Variants in UBIAD1 observed in about 807,000 individuals in gnomAD.
UBIAD1 encodes UbiA prenyltransferase domain containing 1, also known as ubiA prenyltransferase domain-containing protein 1.
In UBIAD1, 12 loss-of-function variants were observed where a neutral mutation model predicts 20.1. The ratio of observed to expected loss-of-function variants is 0.60; its 90% CI spans 0.38 to 0.97. UBIAD1 has a LOEUF of 0.97. UBIAD1 is among the 50% of genes least tolerant of loss of function. The probability of loss-of-function intolerance (pLI) is 0.00; values close to 1 mark genes in which losing one functional copy is unlikely to be tolerated. For missense variants in UBIAD1, 333 were observed against 419.5 expected, an observed-to-expected ratio of 0.79 and a Z score of 1.80; for synonymous variants, 207 against 189.2, an observed-to-expected ratio of 1.09 and a Z score of -0.77.
intron 1 of UBIAD1, among the ~76,000 whole-genome samples, chr1:11,294,416 G>C (rs1452890120): frequency 6.6e-6 from 1 of 152,158 alleles, no homozygotes; most frequent in African/African-American, 2.4e-5. Flanking sequence ...AAAGCGTTGG[G>C]ACTACAGGTG....
At chr1:11,277,460 C>G (rs191242323) in intron 1 of UBIAD1, among the ~76,000 whole-genome samples, 47 of 151,758 alleles carry the variant, frequency 3.1e-4, no homozygotes, top group Non-Finnish European at 5.9e-4. Flanking sequence ...TTAGTAGAGA[C>G]GGGGTTTCGC....
intron 1 of UBIAD1, among the ~76,000 whole-genome samples, chr1:11,284,336 G>C (rs1377305856): frequency 6.6e-6 from 1 of 152,154 alleles, no homozygotes. Flanking sequence ...CTCAAGGTGA[G>C]GCAGGAGAGG....
chr1:11,273,663 G>C lies in UBIAD1; in HGVS notation c.132G>C (p.Gln44His), dbSNP rs1651873245. Residue 44 changes from glutamine to histidine, a missense_variant, in exon 1 of 2, where the codon CAG becomes CAC. Gln to His is a conservative substitution (Grantham distance 24, BLOSUM62 0). Around this residue, in one of 3 missense-constraint regions of UBIAD1, gnomAD observed 57 missense variants for 54.7 expected, o/e 1.04. Transcript: ENST00000376810. This position sits in a 1 kb window ranked among gnomAD's most constrained non-coding sequence, Gnocchi z 4.9. ...QDRLPQRSWR[Q>H]KCASYVLALR... Reference sequence around the variant, plus strand: ...GGCTCCCCCAGCGCTCCTGGAGGCAGAAGTGTGCCTCCTACGTGTTGGCCC... The same window carrying C: ...GGCTCCCCCAGCGCTCCTGGAGGCACAAGTGTGCCTCCTACGTGTTGGCCC... 1.2e-6 allele frequency: 2 copies of C among 1,614,198 alleles called. No individual in the cohort carries two copies. Among genetic ancestry groups the C allele is most frequent in the Non-Finnish European group, 8.5e-7 (1 of 1,180,042 alleles).
At position 11,278,585 on chromosome 1, in the gene UBIAD1, T is replaced by C. The variant is rs189714664; in HGVS notation, c.529+4525T>C. The C allele has an allele frequency of 2.1e-4, 280 of 1,311,484 alleles. 2 individuals are homozygous for C. In the African/African-American group the frequency reaches 3.3e-3, roughly 16 times the overall value. The allele number at this position is 1,311,484 out of a possible 1,614,324, so 81.2% of individuals were successfully genotyped here. A position where few individuals can be genotyped will look rare whatever the true frequency, so the allele number is the denominator to read the frequency against. ...TAACACGAGTAGAAGGTTGTTGATA[T>C]AAGACAAGTTTGAGATCCACTAAAA... On this transcript the variant is annotated intron_variant, in intron 1 of 1. Coordinates refer to ENST00000376810, the MANE Select transcript of UBIAD1 (RefSeq NM_013319.3).
Position 11,285,611 on chromosome 1 carries a change from C to A in UBIAD1, c.530-33C>A, listed in dbSNP as rs1047817794. 9.3e-6 allele frequency: 15 copies of A among 1,613,782 alleles called. No individual in the cohort carries two copies. The Admixed American group carries it at 1.8e-4, about 20-fold the overall frequency. ...CAGTCCCTAAATTTCCAGCCTTGGT[C>A]TCACACCAACTCTCTGGATTTTCTG... On this transcript the variant is annotated intron_variant, in intron 1 of 1. Transcript: ENST00000376810. This position sits in a 1 kb window ranked among gnomAD's most constrained non-coding sequence, Gnocchi z 4.4.
chr1:11,291,711 C>T (rs111932341), downstream of UBIAD1, among the ~76,000 whole-genome samples: 3,511 of 151,768 alleles, frequency 0.023, 57 homozygotes, highest in African/African-American at 0.036. Flanking sequence ...GCATTGGTAA[C>T]GGCTGCAGTA....
chr1:11,285,237 G>T lies in UBIAD1; in HGVS notation c.530-407G>T, dbSNP rs1471919458. On this transcript the variant is annotated intron_variant, in intron 1 of 1. Coordinates refer to ENST00000376810, the MANE Select transcript of UBIAD1 (RefSeq NM_013319.3). The surrounding 1 kb of genome is among the most constrained non-coding windows in gnomAD (Gnocchi z 4.4). ...AGGCCAGAGTGGCTATTCTGTGAGG[G>T]ATTGATCTCACGGGGTCTTGCAGGG... Among the ~76,000 whole-genome samples, 1 of 152,174 alleles carries T rather than the reference G, an allele frequency of 6.6e-6. No homozygotes were observed. Among genetic ancestry groups the T allele is most frequent in the African/African-American group, 2.4e-5 (1 of 41,434 alleles).
intron 1 of UBIAD1, among the ~76,000 whole-genome samples, chr1:11,277,249 A>T (rs1036272654): frequency 5.9e-5 from 9 of 151,972 alleles, no homozygotes; most frequent in Admixed American, 2.6e-4. Flanking sequence ...AAAAAAAATT[A>T]AAAAAATCAA....
chr1:11,289,955 C>G (rs982728041), downstream of UBIAD1, among the ~76,000 whole-genome samples: 4 of 151,866 alleles, frequency 2.6e-5, no homozygotes, highest in African/African-American at 9.7e-5. Flanking sequence ...TGGTCTCAAA[C>G]TCCTGACCTT....
intron 1 of UBIAD1, among the ~76,000 whole-genome samples, chr1:11,276,191 G>A (rs908798152): frequency 6.6e-6 from 1 of 152,216 alleles, no homozygotes; most frequent in African/African-American, 2.4e-5. Context: ...GCGATGTTTG[G>A]TGGCTTGTAT....
chr1:11,279,624 C>T (rs1652178461), intron 1 of UBIAD1, among the ~76,000 whole-genome samples: 2 of 152,176 alleles, frequency 1.3e-5, no homozygotes, highest in African/African-American at 4.8e-5. Flanking sequence ...CCATGTTGTC[C>T]AGACTGGTCT....
intron 1 of UBIAD1, among the ~76,000 whole-genome samples, chr1:11,274,495 C>T (rs888320939): frequency 3.3e-5 from 5 of 151,672 alleles, no homozygotes; most frequent in African/African-American, 1.2e-4. Flanking sequence ...GACGGGGTGT[C>T]ACCATGTTGG....
chr1:11,284,446 G>A (rs935636732), intron 1 of UBIAD1, among the ~76,000 whole-genome samples: 3 of 151,860 alleles, frequency 2.0e-5, no homozygotes, highest in African/African-American at 4.8e-5. Flanking sequence ...GGAGGGGGTG[G>A]TCAGATTCCT....
At chr1:11,277,793 G>T (rs951852111) in intron 1 of UBIAD1, among the ~76,000 whole-genome samples, 2 of 151,884 alleles carry the variant, frequency 1.3e-5, no homozygotes, top group East Asian at 2.0e-4. Context: ...TACAGGCATG[G>T]GCCACCACGC....
chr1:11,273,618 C>CGACTGTCCCGAGCAAG lies in UBIAD1; in HGVS notation c.88_103dup (p.Asp35GlyfsTer7), dbSNP rs769495217. On this transcript the variant is annotated frameshift_variant, in exon 1 of 2. Coordinates refer to ENST00000376810, the MANE Select transcript of UBIAD1 (RefSeq NM_013319.3). LOFTEE classifies it high-confidence loss of function. The surrounding 1 kb of genome is among the most constrained non-coding windows in gnomAD (Gnocchi z 4.9). ...CTGGGGACAGGGACCCGCTGGGGAA[C>CGACTGTCCCGAGCAAG]GACTGTCCCGAGCAAGATAGGCTCC... is the stretch of plus-strand genomic sequence containing the variant. The CGACTGTCCCGAGCAAG allele has an allele frequency of 6.2e-7, 1 of 1,614,020 alleles. No homozygotes were observed. Among genetic ancestry groups the CGACTGTCCCGAGCAAG allele is most frequent in the East Asian group, 2.2e-5 (1 of 44,878 alleles).
chr1:11,273,251 T>TA lies in UBIAD1; in HGVS notation c.-278dup. 4.4e-6 allele frequency: 2 copies of TA among 456,354 alleles called. No homozygotes were observed. The highest frequency in any genetic ancestry group is 4.6e-5 in the South Asian group (2 of 43,196). The allele number at this position is 456,354 out of a possible 1,614,324, so 28.3% of individuals were successfully genotyped here. ...GCACAAGATGGCGGCTCTGGCGGCC[T>TA]AAAGAAGGCGGCCGCGGCTCAGCCG... On this transcript the variant is annotated 5_prime_UTR_variant, in exon 1 of 2. Transcript: ENST00000376810. This position sits in a 1 kb window ranked among gnomAD's most constrained non-coding sequence, Gnocchi z 4.9.
intron 1 of UBIAD1, among the ~76,000 whole-genome samples, chr1:11,276,663 C>CAAA (rs765905706): frequency 1.4e-5 from 1 of 71,796 alleles, no homozygotes; most frequent in Non-Finnish European, 3.2e-5. Flanking sequence ...GGCTCCATCT[C>CAAA]AAAAAAAAAA....
chr1:11,296,646 A>G (rs1358979060), downstream of UBIAD1, among the ~76,000 whole-genome samples: 2 of 152,126 alleles, frequency 1.3e-5, no homozygotes, highest in East Asian at 3.8e-4. Flanking sequence ...CAGCCTCCAG[A>G]GTAGCTTGGA....
Position 11,285,540 on chromosome 1 carries a change from G to C in UBIAD1, c.530-104G>C. On this transcript the variant is annotated intron_variant, in intron 1 of 1. Transcript: ENST00000376810. The surrounding 1 kb of genome is among the most constrained non-coding windows in gnomAD (Gnocchi z 4.4). Reference sequence around the variant, plus strand: ...TGAGTGCCCACCTGCACAGTCTAAGGATTTACCATTTTCAGCCGGAAGTGG... The same window carrying C: ...TGAGTGCCCACCTGCACAGTCTAAGCATTTACCATTTTCAGCCGGAAGTGG... 6.4e-7 allele frequency: 1 copy of C among 1,568,390 alleles called. No homozygotes were observed. Among genetic ancestry groups the C allele is most frequent in the Non-Finnish European group, 8.7e-7 (1 of 1,150,430 alleles).
Sources: allele counts gnomAD v4.1 joint callset (sites outside exome capture counted in the v4.1 genomes callset), GRCh38; gene constraint gnomAD v4.1.1; regional missense constraint gnomAD v4.1.1; non-coding constraint Gnocchi (gnomAD v3.1); transcripts MANE v1.5; gene names NCBI Gene and HGNC (gene_info 2026-07-23, HGNC 2026-07-21).